Variants in PRMT8 observed in about 807,000 individuals in gnomAD.
PRMT8 encodes the protein protein arginine methyltransferase 8, also known as protein arginine N-methyltransferase 8.
In PRMT8, 7 loss-of-function variants were observed where a neutral mutation model predicts 47.1. That is an observed-to-expected ratio of 0.15 (90% CI 0.08 to 0.28). The LOEUF is 0.28. Ranked by LOEUF, PRMT8 falls within the 10% of genes least tolerant of loss-of-function variation. The probability of loss-of-function intolerance (pLI) is 1.00; values close to 1 mark genes in which losing one functional copy is unlikely to be tolerated. For missense variants in PRMT8, 237 were observed against 505.4 expected (o/e 0.47, Z 5.09); for synonymous variants, 188 against 186.5 (o/e 1.01, Z -0.07).
chr12:3,497,831 A>G (rs1445736260), intron 1 of PRMT8, among the ~76,000 whole-genome samples: 3 of 152,210 alleles, frequency 2.0e-5, no homozygotes, highest in Non-Finnish European at 2.9e-5. Context: ...GCGTATTTTC[A>G]TAAAGTCATA....
At position 3,491,494 on chromosome 12, in the gene PRMT8, G is replaced by A; in HGVS notation, c.-132G>A. On this transcript the variant is annotated 5_prime_UTR_variant, in exon 1 of 10. Coordinates refer to ENST00000382622, the MANE Select transcript of PRMT8 (RefSeq NM_019854.5). ...AGACTCCGCTGTGGCTGACTGTGCC[G>A]GCCGACGCTCCAGCTGAGGGGCTGG... is the stretch of plus-strand genomic sequence containing the variant. 8 of 1,442,722 alleles carry A rather than the reference G, an allele frequency of 5.5e-6. No individual in the cohort carries two copies. The highest frequency in any genetic ancestry group is 5.5e-6 in the Non-Finnish European group (6 of 1,100,888). The allele number at this position is 1,442,722 out of a possible 1,614,324, so 89.4% of individuals were successfully genotyped here. A position where few individuals can be genotyped will look rare whatever the true frequency, so the allele number is the denominator to read the frequency against.
At chr12:3,402,036 A>G (rs189749764) in intron 1 of PRMT8, among the ~76,000 whole-genome samples, 2 of 152,302 alleles carry the variant, frequency 1.3e-5, no homozygotes, top group East Asian at 3.9e-4. Flanking sequence ...AATCCTAAGC[A>G]AAAAGAACAA....
At chr12:3,397,818 C>T (rs1471690155) in intron 1 of PRMT8, among the ~76,000 whole-genome samples, 1 of 152,134 alleles carries the variant, frequency 6.6e-6, no homozygotes, top group African/African-American at 2.4e-5. Flanking sequence ...GCCTCGCTGC[C>T]GCCTTGCAGT....
intron 1 of PRMT8, among the ~76,000 whole-genome samples, chr12:3,468,212 G>A (rs1369085325): frequency 2.0e-5 from 3 of 152,188 alleles, no homozygotes; most frequent in Non-Finnish European, 4.4e-5. Context: ...TCGTGCGTAA[G>A]CAGGTGCACT....
At chr12:3,443,059 A>G (rs1002939644) in intron 1 of PRMT8, among the ~76,000 whole-genome samples, 3 of 152,192 alleles carry the variant, frequency 2.0e-5, no homozygotes, top group Non-Finnish European at 4.4e-5. Flanking sequence ...CATTTTTTAA[A>G]TGGAGGGACT....
chr12:3,516,051 G>C (rs183440011), intron 1 of PRMT8, among the ~76,000 whole-genome samples: 1 of 152,330 alleles, frequency 6.6e-6, no homozygotes, highest in East Asian at 1.9e-4. Context: ...TTGGGCTCTG[G>C]AGTGCCCAAC....
chr12:3,578,291 T>A (rs186142748), intron 7 of PRMT8, among the ~76,000 whole-genome samples: 30 of 152,202 alleles, frequency 2.0e-4, no homozygotes, highest in African/African-American at 7.0e-4. Context: ...TGCAGTGGTG[T>A]GATAATAGCT....
chr12:3,539,176 TA>T (rs1323210466), intron 1 of PRMT8, among the ~76,000 whole-genome samples: 3 of 152,242 alleles, frequency 2.0e-5, no homozygotes, highest in Non-Finnish European at 2.9e-5. Flanking sequence ...GTAATAATCA[TA>T]AGCACTTACT....
chr12:3,434,073 G>T (rs543053992), intron 1 of PRMT8, among the ~76,000 whole-genome samples: 1 of 152,176 alleles, frequency 6.6e-6, no homozygotes, highest in Non-Finnish European at 1.5e-5. Flanking sequence ...AGAATGAAAA[G>T]GAACGTGAAG....
intron 4 of PRMT8, among the ~76,000 whole-genome samples, chr12:3,559,889 A>G (rs941200234): frequency 2.0e-5 from 3 of 152,168 alleles, no homozygotes; most frequent in Admixed American, 2.0e-4. Flanking sequence ...TTTAGCATGG[A>G]ATCGTTTATG....
intron 1 of PRMT8, among the ~76,000 whole-genome samples, chr12:3,400,783 A>G (rs1362153346): frequency 6.6e-6 from 1 of 152,226 alleles, no homozygotes; most frequent in Non-Finnish European, 1.5e-5. Flanking sequence ...AACTGAATCT[A>G]GCAGCATATC....
intron 1 of PRMT8, among the ~76,000 whole-genome samples, chr12:3,499,193 C>CTTTTTTTTTTTTT: frequency 8.2e-6 from 1 of 122,258 alleles, no homozygotes; most frequent in Non-Finnish European, 1.7e-5. Flanking sequence ...TTTTTCCTTT[C>CTTTTTTTTTTTTT]TTTTTTTTTT....
At position 3,572,112 on chromosome 12, in the gene PRMT8, A is replaced by G; in HGVS notation, c.712+2548A>G. 6.6e-6 allele frequency among the ~76,000 whole-genome samples: 1 copy of G among 151,942 alleles called. No individual in the cohort carries two copies. Among genetic ancestry groups the G allele is most frequent in the Non-Finnish European group, 1.5e-5 (1 of 68,004 alleles). On this transcript the variant is annotated intron_variant, in intron 6 of 9. Transcript: ENST00000382622. This position sits in a 1 kb window ranked among gnomAD's most constrained non-coding sequence, Gnocchi z 5.9. ...TTCTTCTTCTTTCTCAACCACACAC[A>G]GCAACATGGGAGTGCAAGAATGAGG...
intron 1 of PRMT8, among the ~76,000 whole-genome samples, chr12:3,448,078 C>A (rs569937034): frequency 1.8e-4 from 28 of 152,316 alleles, no homozygotes; most frequent in African/African-American, 6.3e-4. Flanking sequence ...CTCACTTTAT[C>A]CTTTAACTCC....
At chr12:3,487,907 T>C (rs1449284106), upstream of PRMT8, among the ~76,000 whole-genome samples, 1 of 152,226 alleles carries the variant, frequency 6.6e-6, no homozygotes, top group South Asian at 2.1e-4. Flanking sequence ...AGAATCCTGA[T>C]GCCCAAACCT....
chr12:3,535,862 C>T lies in PRMT8; in HGVS notation c.76-4744C>T, dbSNP rs59762540. Among the ~76,000 whole-genome samples the T allele has an allele frequency of 5.8e-3, 876 of 152,266 alleles. 6 individuals are homozygous for T. The highest frequency in any genetic ancestry group is 0.02 in the African/African-American group (813 of 41,556). On this transcript the variant is annotated intron_variant, in intron 1 of 9. Transcript: ENST00000382622. This position sits in a 1 kb window ranked among gnomAD's most constrained non-coding sequence, Gnocchi z 4.7. ...TTGCTGACTTCTCAGACTATGTATA[C>T]AAGATTGGAGTTTGAAAGTCACCTT...
At chr12:3,555,319 TC>T (rs1423956161) in intron 4 of PRMT8, among the ~76,000 whole-genome samples, 1 of 152,102 alleles carries the variant, frequency 6.6e-6, no homozygotes, top group African/African-American at 2.4e-5. Flanking sequence ...TCTGAGCAGG[TC>T]ACAGTGAAGC....
chr12:3,553,576 C>T (rs1866466726), intron 3 of PRMT8, 75 bp from the exon 4 acceptor site: 4 of 1,255,298 alleles, frequency 3.2e-6, no homozygotes, highest in Non-Finnish European at 4.7e-6. Flanking sequence ...CTCAGCGTCT[C>T]TATCCATTGA....
chr12:3,468,601 G>T (rs971326711), intron 1 of PRMT8, among the ~76,000 whole-genome samples: 2 of 152,216 alleles, frequency 1.3e-5, no homozygotes, highest in Admixed American at 1.3e-4. Flanking sequence ...CAACTCTTGA[G>T]TCCTGATGGG....
Sources: allele counts gnomAD v4.1 joint callset (sites outside exome capture counted in the v4.1 genomes callset), GRCh38; gene constraint gnomAD v4.1.1; non-coding constraint Gnocchi (gnomAD v3.1); transcripts MANE v1.5; gene names NCBI Gene and HGNC (gene_info 2026-07-23, HGNC 2026-07-21).